PCARE: variants seen among roughly 807,000 people sequenced by gnomAD.
The protein encoded by PCARE is uncharacterized protein C2orf71.
In PCARE, 72 loss-of-function variants were observed where a neutral mutation model predicts 82.2. The observed-to-expected ratio is 0.88, with a 90% CI of 0.72 to 1.07. PCARE has a LOEUF of 1.07. PCARE is among the 50% of genes least tolerant of loss of function. The pLI, the probability that PCARE is intolerant of heterozygous loss-of-function variation, is 0.00. For missense variants in PCARE, 1,768 were observed against 1,592.4 expected (o/e 1.11, Z -1.88); for synonymous variants, 705 against 634.8 (o/e 1.11, Z -1.66).
Position 29,070,937 on chromosome 2 carries a change from G to T in PCARE, c.3325C>A (p.Gln1109Lys). The T allele has an allele frequency of 1.2e-6, 2 of 1,613,820 alleles. No individual in the cohort carries two copies. Among genetic ancestry groups the T allele is most frequent in the South Asian group, 2.2e-5 (2 of 91,064 alleles). The change falls in exon 1 of 2, where the codon CAA (glutamine) becomes AAA (lysine). Residue 1109 changes from glutamine (Q) to lysine (K), a missense_variant. Coordinates refer to ENST00000331664, the MANE Select transcript of PCARE (RefSeq NM_001029883.3). Reference protein sequence around the residue: ...HKETRDSEDSQAVIAKVSGNT... With the variant: ...HKETRDSEDSKAVIAKVSGNT... ...CCAGACACTTTGGCTATGACTGCTT[G>T]GCTGTCTTCAGAGTCTCTTGTTTCC...
At position 29,072,021 on chromosome 2, in the gene PCARE, C is replaced by T. The variant is rs1667498264; in HGVS notation, c.2241G>A (p.Leu747=). 1 of 1,613,992 alleles carries T rather than the reference C, an allele frequency of 6.2e-7. No individual in the cohort carries two copies. The highest frequency in any genetic ancestry group is 8.5e-7 in the Non-Finnish European group (1 of 1,179,958). ...TTGCCCCAGCGTCCTTAGAGTCCCC[C>T]AGCATCCTCAGACTCTCCGTGGGAC... ...TFSPTESLRM[L]GDSKDAGASP... Residue 747 remains leucine (L), a synonymous_variant, in exon 1 of 2, where the codon CTG becomes CTA. Transcript: ENST00000331664.
chr2:29,066,377 T>C (rs769100258), intron 1 of PCARE, among the ~76,000 whole-genome samples: 7 of 152,158 alleles, frequency 4.6e-5, no homozygotes, highest in Non-Finnish European at 8.8e-5. Context: ...ACAGGGACTA[T>C]GAGGCCTTGG....
Position 29,071,582 on chromosome 2 carries a change from TG to T in PCARE, c.2679del (p.Ser894AlafsTer7). 6.2e-7 allele frequency: 1 copy of T among 1,611,426 alleles called. No homozygotes were observed. The highest frequency in any genetic ancestry group is 1.1e-5 in the South Asian group (1 of 91,076). The stretch of plus-strand genomic sequence containing the variant: ...TTGGTCAGGCTGGCGGTGCTCTTGC[TG>T]GGCAGCAAGTCCAGGGGGCTCACAG... ...RASVSPLDLL[P>X]SKSTASLTKP... On this transcript the variant is annotated frameshift_variant, in exon 1 of 2. Transcript: ENST00000331664. LOFTEE classifies it high-confidence loss of function.
At chr2:29,068,436 C>T (rs56111282) in intron 1 of PCARE, among the ~76,000 whole-genome samples, 32,813 of 152,126 alleles carry the variant, frequency 0.22, 3,911 homozygotes, top group East Asian at 0.36. Context: ...TTTACACAAT[C>T]GTGGGCTATG....
chr2:29,072,532 C>T lies in PCARE; in HGVS notation c.1730G>A (p.Arg577Lys), dbSNP rs1386437442. 9 of 1,614,080 alleles carry T rather than the reference C, an allele frequency of 5.6e-6. No individual in the cohort carries two copies. The highest frequency in any genetic ancestry group is 7.6e-6 in the Non-Finnish European group (9 of 1,180,050). The change falls in exon 1 of 2, where the codon AGA becomes AAA. Residue 577 changes from arginine to lysine, a missense_variant. Arg to Lys is a conservative substitution (Grantham distance 26, BLOSUM62 2). Transcript: ENST00000331664. ...EEEGRTVVPP[R>K]PSTVSGSRRA... ...CCTGCTGCCACTTACCGTGCTAGGT[C>T]TTGGGGGGACCACTGTCCTCCCCTC...
chr2:29,072,670 C>T lies in PCARE; in HGVS notation c.1592G>A (p.Arg531Lys), dbSNP rs180872804. ...TTCCTGGGCCTGGAGGCTCCTAAGCCTCCTGGTGCGGGCCTGAAATGGGCT... is the reference window on the plus strand; with the variant it reads ...TTCCTGGGCCTGGAGGCTCCTAAGCTTCCTGGTGCGGGCCTGAAATGGGCT... The part of the protein sequence containing the change: ...RESPFQARTR[R>K]LRSLQAQEMI... The change falls in exon 1 of 2, where the codon AGG becomes AAG. Residue 531 changes from arginine to lysine, a missense_variant. Coordinates refer to ENST00000331664, the MANE Select transcript of PCARE (RefSeq NM_001029883.3). 46 of 1,614,084 alleles carry T rather than the reference C, an allele frequency of 2.8e-5. No homozygotes were observed. The African/African-American group carries it at 4.9e-4, about 17-fold the overall frequency.
chr2:29,069,644 C>T (rs1667440384), intron 1 of PCARE, among the ~76,000 whole-genome samples: 1 of 151,962 alleles, frequency 6.6e-6, no homozygotes, highest in African/African-American at 2.4e-5. Flanking sequence ...CACAAGTTTA[C>T]CTACATCACA....
Position 29,073,441 on chromosome 2 carries a change from G to A in PCARE, c.821C>T (p.Thr274Ile). The A allele has an allele frequency of 6.2e-7, 1 of 1,614,164 alleles. No individual in the cohort carries two copies. Among genetic ancestry groups the A allele is most frequent in the Non-Finnish European group, 8.5e-7 (1 of 1,180,032 alleles). The part of the protein sequence containing the change: ...PNLLQQLLQY[T>I]VSKLQVLNGT... ...ATTGAGCACCTGCAGCTTGCTGACTGTGTACTGTAGCAGCTGTTGCAGGAG... is the reference window on the plus strand; with the variant it reads ...ATTGAGCACCTGCAGCTTGCTGACTATGTACTGTAGCAGCTGTTGCAGGAG... The change falls in exon 1 of 2, where the codon ACA becomes ATA. Residue 274 changes from threonine to isoleucine, a missense_variant. Transcript: ENST00000331664.
Position 29,067,984 on chromosome 2 carries a change from T to G in PCARE, c.3668+2610A>C, listed in dbSNP as rs1046147104. ...AGGGCATCATTTTCTTCTTGAACAA[T>G]TTTATGTTACTTTATTATTGCTCCT... On this transcript the variant is annotated intron_variant, in intron 1 of 1. Coordinates refer to ENST00000331664, the MANE Select transcript of PCARE (RefSeq NM_001029883.3). 2.6e-5 allele frequency among the ~76,000 whole-genome samples: 4 copies of G among 152,378 alleles called. No individual in the cohort carries two copies. The East Asian group carries it at 7.7e-4, about 29-fold the overall frequency.
Position 29,074,231 on chromosome 2 carries a change from C to T in PCARE, c.31G>A (p.Val11Ile). The T allele has an allele frequency of 6.4e-7, 1 of 1,573,760 alleles. No individual in the cohort carries two copies. The highest frequency in any genetic ancestry group is 2.2e-5 in the East Asian group (1 of 44,546). Residue 11 changes from valine (V) to isoleucine (I), a missense_variant, in exon 1 of 2, where the codon GTA (valine) becomes ATA (isoleucine). By Grantham distance (29) the Val-to-Ile change is conservative. Transcript: ENST00000331664. MGCTPSHSDLVNSVAKSGIQF... is the reference protein window; with the variant it reads MGCTPSHSDLINSVAKSGIQF... ...ATGCCACTCTTTGCAACGCTGTTTA[C>T]AAGGTCACTGTGTGAAGGTGTACAC...
Position 29,073,973 on chromosome 2 carries a change from TG to T in PCARE, c.288del (p.Thr98ProfsTer6). On this transcript the variant is annotated frameshift_variant, in exon 1 of 2. Coordinates refer to ENST00000331664, the MANE Select transcript of PCARE (RefSeq NM_001029883.3). LOFTEE classifies it high-confidence loss of function. ...TTGTTCAGCTGGGATGAAGAGGTTT[TG>T]GTTCCTGGGATCAGTCCTTCCATAT... ...RKDMEGLIPG[T>X]KTSSSQLNKS... The T allele has an allele frequency of 6.2e-7, 1 of 1,614,254 alleles. No individual in the cohort carries two copies. Among genetic ancestry groups the T allele is most frequent in the Non-Finnish European group, 8.5e-7 (1 of 1,180,038 alleles).
At position 29,070,999 on chromosome 2, in the gene PCARE, G is replaced by T. The variant is rs1336840869; in HGVS notation, c.3263C>A (p.Ser1088Tyr). Residue 1088 changes from serine to tyrosine, a missense_variant, in exon 1 of 2, where the codon TCC becomes TAC. Physicochemically the swap from Ser to Tyr is moderately radical, Grantham distance 144. Transcript: ENST00000331664. The stretch of plus-strand genomic sequence containing the variant: ...AGAAGGGGACATTGGGGGTGATGGG[G>T]AGGGAATCGAGAAAGGGGGGCTTGC... ...PEASPPFSIP[S>Y]PSPPMSPSQE... 1 of 1,537,956 alleles carries T rather than the reference G, an allele frequency of 6.5e-7. No homozygotes were observed. The highest frequency in any genetic ancestry group is 8.8e-7 in the Non-Finnish European group (1 of 1,139,062).
chr2:29,063,636 A>G lies in PCARE; in HGVS notation c.*1233T>C, dbSNP rs1667344286. The stretch of plus-strand genomic sequence containing the variant: ...TCCCTTTGCTGTACCCCAGTGGGTA[A>G]GAATTCTTGTCTTTTGCCAACCCAT... On this transcript the variant is annotated 3_prime_UTR_variant, in exon 2 of 2. Transcript: ENST00000331664. The G allele has an allele frequency of 6.6e-6, 1 of 152,650 alleles. No homozygotes were observed. Among genetic ancestry groups the G allele is most frequent in the Non-Finnish European group, 1.5e-5 (1 of 68,038 alleles). The allele number at this position is 152,650 out of a possible 1,614,324, so 9.5% of individuals were successfully genotyped here.
Position 29,071,150 on chromosome 2 carries a change from C to A in PCARE, c.3112G>T (p.Val1038Leu). 1 of 1,581,090 alleles carries A rather than the reference C, an allele frequency of 6.3e-7. No individual in the cohort carries two copies. The highest frequency in any genetic ancestry group is 8.6e-7 in the Non-Finnish European group (1 of 1,163,716). ...CGCTTTGTGGTGGGTGGGCTTAGCACCCTGGGGCTCACAGGTGGGCTGGGG... is the reference window on the plus strand; with the variant it reads ...CGCTTTGTGGTGGGTGGGCTTAGCAACCTGGGGCTCACAGGTGGGCTGGGG... Reference protein sequence around the residue: ...TPPSPPVSPRVLSPPTTKRRT... With the variant: ...TPPSPPVSPRLLSPPTTKRRT... The change falls in exon 1 of 2, where the codon GTG becomes TTG. Residue 1038 changes from valine (V) to leucine (L), a missense_variant. By Grantham distance (32) the Val-to-Leu change is conservative. Coordinates refer to ENST00000331664, the MANE Select transcript of PCARE (RefSeq NM_001029883.3).
rs1318590587 is a variant in PCARE at position 29,074,003 on chromosome 2, T to G, written c.259A>C (p.Lys87Gln). The change falls in exon 1 of 2, where the codon AAA becomes CAA. Residue 87 changes from lysine to glutamine, a missense_variant. Coordinates refer to ENST00000331664, the MANE Select transcript of PCARE (RefSeq NM_001029883.3). ...CCTGGGATCAGTCCTTCCATATCTT[T>G]CCTTTTGCCTGAAGCAGGATCTCCC... The part of the protein sequence containing the change: ...LMGDPASGKR[K>Q]DMEGLIPGTK... 6.2e-7 allele frequency: 1 copy of G among 1,614,060 alleles called. No homozygotes were observed. The highest frequency in any genetic ancestry group is 1.3e-5 in the African/African-American group (1 of 74,910).
At position 29,071,556 on chromosome 2, in the gene PCARE, C is replaced by G. The variant is rs1241203678; in HGVS notation, c.2706G>C (p.Lys902Asn). ...LPSKSTASLT[K>N]PHSTGPGSGR... Reference sequence around the variant, plus strand: ...CACTCCCTGGCCCTGTGCTGTGAGGCTTGGTCAGGCTGGCGGTGCTCTTGC... The same window carrying G: ...CACTCCCTGGCCCTGTGCTGTGAGGGTTGGTCAGGCTGGCGGTGCTCTTGC... Residue 902 changes from lysine to asparagine, a missense_variant, in exon 1 of 2, where the codon AAG (lysine) becomes AAC (asparagine). Lys to Asn is a moderately conservative substitution (Grantham distance 94, BLOSUM62 0). Coordinates refer to ENST00000331664, the MANE Select transcript of PCARE (RefSeq NM_001029883.3). The G allele has an allele frequency of 6.2e-7, 1 of 1,610,500 alleles. No individual in the cohort carries two copies. Among genetic ancestry groups the G allele is most frequent in the Non-Finnish European group, 8.5e-7 (1 of 1,180,014 alleles).
In PCARE at chr2:29,062,827, C is replaced by T. The variant is rs1054821753; in HGVS notation, c.*2042G>A. Reference sequence around the variant, plus strand: ...ATGTGTATAATTCCTGGGGTTCCACCCCTCATGGTACCCCAGTTTCACCCA... The same window carrying T: ...ATGTGTATAATTCCTGGGGTTCCACTCCTCATGGTACCCCAGTTTCACCCA... On this transcript the variant is annotated 3_prime_UTR_variant, in exon 2 of 2. Coordinates refer to ENST00000331664, the MANE Select transcript of PCARE (RefSeq NM_001029883.3). 6.6e-6 allele frequency: 1 copy of T among 152,174 alleles called. No homozygotes were observed. The highest frequency in any genetic ancestry group is 1.5e-5 in the Non-Finnish European group (1 of 68,036). The allele number at this position is 152,174 out of a possible 1,614,324, so 9.4% of individuals were successfully genotyped here.
chr2:29,070,487 G>A (rs1667452408), intron 1 of PCARE, 107 bp downstream of exon 1: 1 of 1,482,990 alleles, frequency 6.7e-7, no homozygotes, highest in Admixed American at 1.7e-5. Flanking sequence ...TCTTCTCTTG[G>A]AGCACAGTTT....
chr2:29,073,640 C>T lies in PCARE; in HGVS notation c.622G>A (p.Ala208Thr). Residue 208 changes from alanine (A) to threonine (T), a missense_variant, in exon 1 of 2, where the codon GCC (alanine) becomes ACC (threonine). Coordinates refer to ENST00000331664, the MANE Select transcript of PCARE (RefSeq NM_001029883.3). Reference protein sequence around the residue: ...YEAILCIIHQATQTRELLQPM... With the variant: ...YEAILCIIHQTTQTRELLQPM... ...TGCAGCAGCTCCCGGGTCTGGGTGG[C>T]CTGATGGATGATGCACAGAATTGCT... is the stretch of plus-strand genomic sequence containing the variant. The T allele has an allele frequency of 6.2e-7, 1 of 1,614,164 alleles. No homozygotes were observed. Among genetic ancestry groups the T allele is most frequent in the Non-Finnish European group, 8.5e-7 (1 of 1,180,020 alleles).
Sources: gnomAD v4.1 joint callset for allele counts (sites outside exome capture counted in the v4.1 genomes callset) on GRCh38, gnomAD v4.1.1 for gene constraint, MANE v1.5 for transcripts, NCBI Gene and HGNC (gene_info 2026-07-23, HGNC 2026-07-21) for gene names.